The following PADI1 variants were observed in gnomAD, a reference collection of about 807,000 sequenced individuals.
PADI1 encodes the protein peptidyl arginine deiminase 1, also known as protein-arginine deiminase type-1.
In PADI1, 65 loss-of-function variants were observed where a neutral mutation model predicts 74.8. That is an observed-to-expected ratio of 0.87 (90% CI 0.71 to 1.07). The LOEUF is 1.07. PADI1 is among the 50% of genes least tolerant of loss of function. PADI1 has a pLI of 0.00. For missense variants in PADI1, 943 were observed against 854.0 expected, an observed-to-expected ratio of 1.10 and a Z score of -1.30; for synonymous variants, 371 against 336.2, an observed-to-expected ratio of 1.10 and a Z score of -1.13.
At position 17,245,406 on chromosome 1, in the gene PADI1, T is replaced by C. The variant is rs1268650343; in HGVS notation, c.*1163T>C. ...GCCACGGGAGGTTAATAGCCCGGAG[T>C]GAGGTCACTGAGACATGCACAGGCA... On this transcript the variant is annotated 3_prime_UTR_variant, in exon 16 of 16. Coordinates refer to ENST00000375471, the MANE Select transcript of PADI1 (RefSeq NM_013358.3). The surrounding 1 kb of genome is among the most constrained non-coding windows in gnomAD (Gnocchi z 4.1). 1 of 152,204 alleles carries C rather than the reference T, an allele frequency of 6.6e-6. No individual in the cohort carries two copies. The allele number at this position is 152,204 out of a possible 1,614,324, so 9.4% of individuals were successfully genotyped here.
At chr1:17,223,594 G>T (rs376702213) in intron 2 of PADI1, 27 bp from the exon 3 acceptor site, 2 of 1,591,434 alleles carry the variant, frequency 1.3e-6, no homozygotes, top group African/African-American at 1.3e-5. Context: ...GGTGATGGCC[G>T]TGCAGGCTTA....
intron 3 of PADI1, among the ~76,000 whole-genome samples, chr1:17,224,060 G>T (rs1454803954): frequency 1.3e-5 from 2 of 152,198 alleles, no homozygotes; most frequent in African/African-American, 4.8e-5. Context: ...GCAACCTCAG[G>T]CCATGTCCCC....
At chr1:17,225,743 C>G in intron 4 of PADI1, 68 bp from the exon 5 acceptor site, 1 of 1,047,724 alleles carries the variant, frequency 9.5e-7, no homozygotes, top group East Asian at 2.4e-5. Flanking sequence ...CCGCCCTGGC[C>G]ATGTCTAGAA....
At chr1:17,210,779 G>A (rs1021722294) in intron 1 of PADI1, among the ~76,000 whole-genome samples, 2 of 152,184 alleles carry the variant, frequency 1.3e-5, no homozygotes, top group African/African-American at 4.8e-5. Flanking sequence ...CCAGCCCCGG[G>A]GAGAGGATGC....
intron 12 of PADI1, among the ~76,000 whole-genome samples, chr1:17,238,197 T>G (rs544962824): frequency 6.6e-6 from 1 of 152,180 alleles, no homozygotes; most frequent in South Asian, 2.1e-4. Flanking sequence ...TACACCACCA[T>G]GCCCAGCTAA....
chr1:17,215,740 G>A (rs1423474177), intron 1 of PADI1, among the ~76,000 whole-genome samples: 4 of 152,194 alleles, frequency 2.6e-5, no homozygotes, highest in Middle Eastern at 3.2e-3. Flanking sequence ...TGTCCAGAAC[G>A]CGTTGATTGT....
At chr1:17,223,004 G>A (rs1425523907) in intron 2 of PADI1, among the ~76,000 whole-genome samples, 2 of 151,736 alleles carry the variant, frequency 1.3e-5, no homozygotes, top group African/African-American at 2.4e-5. Flanking sequence ...GGAAAAGGCA[G>A]GGATAAAGCA....
At position 17,226,170 on chromosome 1, in the gene PADI1, G is replaced by A. The variant is rs1471540588; in HGVS notation, c.652+12G>A. ...CTTCTGTGCCAGGGGTGAGTGGCCT[G>A]ATGGGGCCTTTTCCTCCCAGCTCCA... On this transcript the variant is annotated intron_variant, in intron 6 of 15. Transcript: ENST00000375471. 3.7e-6 allele frequency: 6 copies of A among 1,613,730 alleles called. No individual in the cohort carries two copies. The African/African-American group carries it at 4.0e-5, about 11-fold the overall frequency.
chr1:17,231,221 G>A (rs999550875), intron 10 of PADI1, among the ~76,000 whole-genome samples: 3 of 152,130 alleles, frequency 2.0e-5, no homozygotes, highest in African/African-American at 7.2e-5. Flanking sequence ...TATTCCATGG[G>A]GTACTCCTAC....
chr1:17,223,819 G>A (rs2293914), intron 3 of PADI1, 126 bp downstream of exon 3: 97,764 of 746,196 alleles, frequency 0.13, 7,749 homozygotes, highest in Admixed American at 0.32. Context: ...GAGGGGCTTG[G>A]ATTCCTCGGG....
intron 1 of PADI1, among the ~76,000 whole-genome samples, chr1:17,217,026 G>A: frequency 7.1e-6 from 1 of 141,442 alleles, no homozygotes. Flanking sequence ...GAGAGGGGAG[G>A]GAGGGGAGGA....
intron 6 of PADI1, 129 bp from the exon 7 acceptor site, chr1:17,228,496 C>A: frequency 2.3e-6 from 2 of 859,926 alleles, no homozygotes; most frequent in South Asian, 1.5e-5. Context: ...GGCCATGCAG[C>A]TTGCACGTGG....
At chr1:17,230,891 A>C (rs1215328568) in intron 10 of PADI1, among the ~76,000 whole-genome samples, 1 of 152,222 alleles carries the variant, frequency 6.6e-6, no homozygotes, top group Non-Finnish European at 1.5e-5. Context: ...AATAGGCAGC[A>C]GCCTGATTGT....
At chr1:17,222,915 C>G (rs920090291) in intron 2 of PADI1, among the ~76,000 whole-genome samples, 1 of 152,202 alleles carries the variant, frequency 6.6e-6, no homozygotes, top group Admixed American at 6.5e-5. Context: ...ATCGCCTGCC[C>G]GAAGCTCAGA....
intron 4 of PADI1, 56 bp from the exon 5 acceptor site, chr1:17,225,755 C>G (rs1453390009): frequency 5.5e-6 from 7 of 1,271,170 alleles, no homozygotes; most frequent in Non-Finnish European, 8.0e-6. Flanking sequence ...TGTCTAGAAC[C>G]CCTTCCTGGA....
chr1:17,240,735 A>G lies in PADI1; in HGVS notation c.1733A>G (p.Tyr578Cys), dbSNP rs775609280. The G allele has an allele frequency of 1.2e-6, 2 of 1,613,940 alleles. No individual in the cohort carries two copies. Among genetic ancestry groups the G allele is most frequent in the Non-Finnish European group, 1.7e-6 (2 of 1,179,868 alleles). ...IPQLFFLKNF[Y>C]AEAFFPDMVN... is the part of the protein sequence containing the mutation. ...CAGCTCTTCTTCCTGAAAAACTTCT[A>G]CGCGGAAGCCTTCTTCCCAGACATG... Residue 578 changes from tyrosine to cysteine, a missense_variant, in exon 15 of 16, where the codon TAC (tyrosine) becomes TGC (cysteine). Coordinates refer to ENST00000375471, the MANE Select transcript of PADI1 (RefSeq NM_013358.3).
chr1:17,210,817 C>T (rs2071815003), intron 1 of PADI1, among the ~76,000 whole-genome samples: 1 of 152,168 alleles, frequency 6.6e-6, no homozygotes, highest in South Asian at 2.1e-4. Flanking sequence ...AGGGTTGCAG[C>T]CAGGGGACTG....
At chr1:17,217,094 C>G (rs1373302967) in intron 1 of PADI1, among the ~76,000 whole-genome samples, 1 of 151,836 alleles carries the variant, frequency 6.6e-6, no homozygotes, top group Non-Finnish European at 1.5e-5. Context: ...AGCCCTAAGC[C>G]AGGTGCGCTG....
At chr1:17,236,134 G>A (rs1224362736) in intron 11 of PADI1, among the ~76,000 whole-genome samples, 2 of 152,184 alleles carry the variant, frequency 1.3e-5, no homozygotes, top group Non-Finnish European at 2.9e-5. Flanking sequence ...CAGTGACCCT[G>A]CCTTGGTTTC....
Sources: allele counts gnomAD v4.1 joint callset (sites outside exome capture counted in the v4.1 genomes callset), GRCh38; gene constraint gnomAD v4.1.1; non-coding constraint Gnocchi (gnomAD v3.1); transcripts MANE v1.5; gene names NCBI Gene and HGNC (gene_info 2026-07-23, HGNC 2026-07-21).